Variants in ZNF208 observed in about 807,000 individuals in gnomAD.
ZNF208 encodes zinc finger protein 95.
ZNF208 carries 10 observed loss-of-function variants against 12.1 expected under a neutral mutation model. The ratio of observed to expected loss-of-function variants is 0.83; its 90% CI spans 0.51 to 1.40. ZNF208 has a LOEUF of 1.40. Ranked by LOEUF, ZNF208 falls within the 40% of genes most tolerant of loss-of-function variation. The pLI, the probability that ZNF208 is intolerant of heterozygous loss-of-function variation, is 0.00. For synonymous variants in ZNF208, 497 were observed against 488.4 expected, an observed-to-expected ratio of 1.02 and a Z score of -0.23; for missense variants, 1,652 against 1,485.0, an observed-to-expected ratio of 1.11 and a Z score of -1.85.
In ZNF208 at chr19:21,972,791, G is replaced by A. The variant is rs762733581; in HGVS notation, c.2243C>T (p.Pro748Leu). 6.2e-7 allele frequency: 1 copy of A among 1,611,834 alleles called. No homozygotes were observed. The highest frequency in any genetic ancestry group is 1.3e-5 in the African/African-American group (1 of 74,908). ...TTTGCCACATTCTTCACATTTGTAG[G>A]GTTTCTCTCCAGTATGAATTACCTT... ...KHKVIHTGEK[P>L]YKCEECGKAY... Residue 748 changes from proline (P) to leucine (L), a missense_variant, in exon 4 of 4, where the codon CCC becomes CTC. Pro to Leu is a moderately conservative substitution (Grantham distance 98, BLOSUM62 -3). This residue lies in a region of ZNF208 where 1,239 missense variants were observed against 1,086.2 expected (regional missense o/e 1.14). Transcript: ENST00000397126.
chr19:22,003,903 G>C (rs1373147468), intron 1 of ZNF208, among the ~76,000 whole-genome samples: 1 of 152,058 alleles, frequency 6.6e-6, no homozygotes, highest in Non-Finnish European at 1.5e-5. Flanking sequence ...GGGCATGTTG[G>C]CACACGTCTG....
Position 21,975,851 on chromosome 19 carries a change from A to AAAAG in ZNF208, c.227-1045_227-1044insCTTT, listed in dbSNP as rs377638519. On this transcript the variant is annotated intron_variant, in intron 3 of 3. Coordinates refer to ENST00000397126, the MANE Select transcript of ZNF208 (RefSeq NM_007153.3). ...AAAAAAAAAAAAAAAAAAAAAAAAA[A>AAAAG]GCTATCAAGTGAGAATAATACCATC... Among the ~76,000 whole-genome samples, 14 of 91,880 alleles carry AAAAG rather than the reference A, an allele frequency of 1.5e-4. 3 individuals carry two copies. The highest frequency in any genetic ancestry group is 6.4e-4 in the African/African-American group (14 of 21,968). The allele number at this position is 91,880 out of a possible 152,430, so 60.3% of individuals were successfully genotyped here. A position where few individuals can be genotyped will look rare whatever the true frequency, so the allele number is the denominator to read the frequency against.
intron 1 of ZNF208, among the ~76,000 whole-genome samples, chr19:21,989,406 A>T (rs1363897294): frequency 2.0e-5 from 3 of 152,036 alleles, no homozygotes; most frequent in Non-Finnish European, 2.9e-5. Context: ...AACAAAGGAC[A>T]TGAACTCATC....
Position 21,974,581 on chromosome 19 carries a change from T to C in ZNF208, c.453A>G (p.Ala151=). The C allele has an allele frequency of 6.2e-7, 1 of 1,613,748 alleles. No individual in the cohort carries two copies. The highest frequency in any genetic ancestry group is 8.5e-7 in the Non-Finnish European group (1 of 1,179,734). Residue 151 remains alanine, a synonymous_variant, in exon 4 of 4, where the codon GCA becomes GCG. Transcript: ENST00000397126. ...AATTTGAACATTTATGAAAGACATT[T>C]GCATATTTGCCACGTTGAAATACTT... ...QSKVFQRGKY[A]NVFHKCSNSN...
chr19:21,989,604 G>A (rs1438943765), intron 1 of ZNF208, among the ~76,000 whole-genome samples: 1 of 152,110 alleles, frequency 6.6e-6, no homozygotes, highest in African/African-American at 2.4e-5. Context: ...ACCCAGTAAT[G>A]AGATGGCTGG....
intron 3 of ZNF208, among the ~76,000 whole-genome samples, chr19:21,983,409 G>A (rs1167466771): frequency 6.6e-6 from 1 of 152,160 alleles, no homozygotes; most frequent in African/African-American, 2.4e-5. Context: ...TGGTTGGAGT[G>A]TAAATTAGTT....
chr19:22,005,001 A>G (rs1971020764), intron 1 of ZNF208, among the ~76,000 whole-genome samples: 1 of 152,228 alleles, frequency 6.6e-6, no homozygotes, highest in African/African-American at 2.4e-5. Flanking sequence ...ATAGTGGCCC[A>G]GGTGGGGCTG....
At chr19:21,964,613 T>TC (rs1970133057), downstream of ZNF208, among the ~76,000 whole-genome samples, 1 of 151,818 alleles carries the variant, frequency 6.6e-6, no homozygotes, top group Non-Finnish European at 1.5e-5. Flanking sequence ...CTAACAATGA[T>TC]ATCTCTCATG....
In ZNF208 at chr19:21,972,502, C is replaced by T. The variant is rs777026283; in HGVS notation, c.2532G>A (p.Lys844=). 9.9e-6 allele frequency: 16 copies of T among 1,609,276 alleles called. No individual in the cohort carries two copies. The highest frequency in any genetic ancestry group is 1.4e-5 in the African/African-American group (1 of 73,540). ...KCKECGKAFS[K]FSILTKHKVI... ...CCTTATGTTTAGTAAGGATTGAGAA[C>T]TTACTAAAGGCTTTGCCACATTCTT... The change falls in exon 4 of 4, where the codon AAG becomes AAA. Residue 844 remains lysine, a synonymous_variant. Coordinates refer to ENST00000397126, the MANE Select transcript of ZNF208 (RefSeq NM_007153.3).
chr19:21,998,584 C>T (rs1970883100), intron 1 of ZNF208: 2 of 152,350 alleles, frequency 1.3e-5, no homozygotes, highest in Admixed American at 1.3e-4. Flanking sequence ...TGTAGACACA[C>T]ACCACCACAC....
At chr19:21,995,723 T>C (rs753109360) in intron 1 of ZNF208, among the ~76,000 whole-genome samples, 3 of 152,148 alleles carry the variant, frequency 2.0e-5, no homozygotes, top group Non-Finnish European at 4.4e-5. Flanking sequence ...TACAGGTAGG[T>C]ATAGTTGTGG....
chr19:21,989,091 TTAA>T (rs1970679136), intron 1 of ZNF208, among the ~76,000 whole-genome samples, 182 bp from the exon 2 acceptor site: 1 of 151,778 alleles, frequency 6.6e-6, no homozygotes, highest in African/African-American at 2.4e-5. Flanking sequence ...TTTTCTTTTT[TTAA>T]TTATTATTAT....
At chr19:21,981,167 C>A (rs1395475679) in intron 3 of ZNF208, among the ~76,000 whole-genome samples, 2 of 152,032 alleles carry the variant, frequency 1.3e-5, no homozygotes, top group Non-Finnish European at 2.9e-5. Context: ...TGAAACTATT[C>A]CCAACAATGG....
intron 1 of ZNF208, among the ~76,000 whole-genome samples, chr19:22,005,900 A>G (rs116394195): frequency 0.018 from 2,754 of 152,214 alleles, 70 homozygotes; most frequent in African/African-American, 0.062. Context: ...ACACTTATGA[A>G]AAGAAAAACC....
intron 1 of ZNF208, among the ~76,000 whole-genome samples, chr19:22,010,556 G>A (rs896868028): frequency 6.6e-6 from 1 of 152,240 alleles, no homozygotes; most frequent in African/African-American, 2.4e-5. Flanking sequence ...GCGGCCCCAA[G>A]AGGGCTCCAG....
rs1970389478 is a variant in ZNF208, at chr19:21,974,536, C to A, written c.498G>T (p.Arg166Ser). 6.8e-6 allele frequency: 11 copies of A among 1,613,610 alleles called. No homozygotes were observed. Among genetic ancestry groups the A allele is most frequent in the Non-Finnish European group, 9.3e-6 (11 of 1,179,702 alleles). Residue 166 changes from arginine to serine, a missense_variant, in exon 4 of 4, where the codon AGG (arginine) becomes AGT (serine). Physicochemically the swap from Arg to Ser is moderately radical, Grantham distance 110. Transcript: ENST00000397126. Reference sequence around the variant, plus strand: ...ATTGCAAATGTTTCTTTCCAGTATGCCTTATCTTATGTCTGTTTGAATTTG... The same window carrying A: ...ATTGCAAATGTTTCTTTCCAGTATGACTTATCTTATGTCTGTTTGAATTTG... Reference protein sequence around the residue: ...KCSNSNRHKIRHTGKKHLQCK... With the variant: ...KCSNSNRHKISHTGKKHLQCK...
intron 4 of ZNF208, among the ~76,000 whole-genome samples, chr19:21,943,482 T>C (rs921378987): frequency 1.6e-4 from 24 of 152,226 alleles, no homozygotes; most frequent in African/African-American, 5.1e-4. Flanking sequence ...TTATCTTTAA[T>C]TTGAATTAAC....
intron 1 of ZNF208, among the ~76,000 whole-genome samples, chr19:21,989,532 G>A (rs867887686): frequency 6.6e-6 from 1 of 151,894 alleles, no homozygotes; most frequent in African/African-American, 2.4e-5. Context: ...GAATAGTGCC[G>A]CAATAAACAT....
intron 4 of ZNF208, among the ~76,000 whole-genome samples, chr19:21,960,435 G>T (rs544429378): frequency 1.3e-5 from 2 of 152,020 alleles, no homozygotes; most frequent in Non-Finnish European, 2.9e-5. Context: ...AATAACTAAG[G>T]TATGAAATCA....
Sources: gnomAD v4.1 joint callset for allele counts (sites outside exome capture counted in the v4.1 genomes callset) on GRCh38, gnomAD v4.1.1 for gene constraint, gnomAD v4.1.1 regional missense constraint, MANE v1.5 for transcripts, NCBI Gene and HGNC (gene_info 2026-07-23, HGNC 2026-07-21) for gene names.